The following TEX52 variants were observed in gnomAD, a reference collection of about 807,000 sequenced individuals.
TEX52 encodes the protein testis expressed 52.
TEX52 carries 22 observed loss-of-function variants against 17.6 expected under a neutral mutation model. That is an observed-to-expected ratio of 1.25 (90% CI 0.89 to 1.78). TEX52 has a LOEUF of 1.78. Ranked by LOEUF, TEX52 falls within the 40% of genes most tolerant of loss-of-function variation. The pLI, the probability that TEX52 is intolerant of heterozygous loss-of-function variation, is 0.00. For missense variants in TEX52, 396 were observed against 372.3 expected, an observed-to-expected ratio of 1.06 and a Z score of -0.52; for synonymous variants, 168 against 147.4, an observed-to-expected ratio of 1.14 and a Z score of -1.01.
In TEX52 at chr12:2,849,127, C is replaced by T. The variant is rs1299122446; in HGVS notation, c.*104G>A. On this transcript the variant is annotated 3_prime_UTR_variant, in exon 3 of 3. Coordinates refer to ENST00000637658, the MANE Select transcript of TEX52 (RefSeq NM_001365174.2). Reference sequence around the variant, plus strand: ...GGTGGAGAGGCTGTTCTGCAGAAGCCAGAGTCCTTTTGCTACCCCAGGGCC... The same window carrying T: ...GGTGGAGAGGCTGTTCTGCAGAAGCTAGAGTCCTTTTGCTACCCCAGGGCC... The T allele has an allele frequency of 8.1e-7, 1 of 1,234,406 alleles. No individual in the cohort carries two copies. Among genetic ancestry groups the T allele is most frequent in the Admixed American group, 2.8e-5 (1 of 36,182 alleles). The allele number at this position is 1,234,406 out of a possible 1,614,324, so 76.5% of individuals were successfully genotyped here.
Position 2,855,262 on chromosome 12 carries a change from T to C in TEX52, c.257A>G (p.Lys86Arg). Residue 86 changes from lysine to arginine, a missense_variant, in exon 2 of 3, where the codon AAG becomes AGG. Coordinates refer to ENST00000637658, the MANE Select transcript of TEX52 (RefSeq NM_001365174.2). ...GCCCCAGGTGTGCTGGGCGCCACCC[T>C]TCCAAGGGTGGATGAGCCGCTGACG... ...KVRQRLIHPWKGGAQHTWGFH... is the reference protein window; with the variant it reads ...KVRQRLIHPWRGGAQHTWGFH... 3.3e-6 allele frequency: 5 copies of C among 1,513,402 alleles called. No individual in the cohort carries two copies. The highest frequency in any genetic ancestry group is 4.4e-6 in the Non-Finnish European group (5 of 1,130,876). The allele number at this position is 1,513,402 out of a possible 1,614,324, so 93.7% of individuals were successfully genotyped here. A position where few individuals can be genotyped will look rare whatever the true frequency, so the allele number is the denominator to read the frequency against.
At chr12:2,855,556 T>G in intron 1 of TEX52, 110 bp from the exon 2 acceptor site, 2 of 843,968 alleles carry the variant, frequency 2.4e-6, no homozygotes, top group Non-Finnish European at 3.3e-6. Context: ...CAGCCCAGGA[T>G]TCTCATGAGG....
downstream of TEX52, chr12:2,848,989 C>G: frequency 2.0e-6 from 1 of 511,544 alleles, no homozygotes; most frequent in Non-Finnish European, 3.5e-6. Flanking sequence ...GCCTCCTGGC[C>G]GCAGTCCTCC....
chr12:2,856,436 G>A (rs759907045), intron 1 of TEX52, among the ~76,000 whole-genome samples: 26 of 152,108 alleles, frequency 1.7e-4, no homozygotes, highest in Admixed American at 5.9e-4. Context: ...TGCAATCTCG[G>A]CTCACTGCAA....
At chr12:2,849,621 A>G in intron 2 of TEX52, 96 bp from the exon 3 acceptor site, 1 of 1,378,588 alleles carries the variant, frequency 7.3e-7, no homozygotes. Context: ...GCCGCTGTCC[A>G]CAAGCTAGTT....
chr12:2,853,057 C>T (rs888350065), intron 2 of TEX52, among the ~76,000 whole-genome samples: 59 of 152,006 alleles, frequency 3.9e-4, no homozygotes, highest in African/African-American at 1.3e-3. Context: ...CTCAGAAGGT[C>T]CTGGGGGATT....
intron 2 of TEX52, among the ~76,000 whole-genome samples, chr12:2,852,034 A>G (rs544891982): frequency 6.6e-6 from 1 of 152,326 alleles, no homozygotes; most frequent in South Asian, 2.1e-4. Context: ...GACAACTTCA[A>G]CATCATCAGG....
chr12:2,848,875 A>G (rs1326306463), downstream of TEX52, among the ~76,000 whole-genome samples: 6 of 116,734 alleles, frequency 5.1e-5, no homozygotes, highest in African/African-American at 1.0e-4. Flanking sequence ...AGACACACAC[A>G]CGCACACACA....
Position 2,849,463 on chromosome 12 carries a change from G to C in TEX52, c.686C>G (p.Pro229Arg). Residue 229 changes from proline to arginine, a missense_variant, in exon 3 of 3, where the codon CCG becomes CGG. Physicochemically the swap from Pro to Arg is moderately radical, Grantham distance 103 (BLOSUM62 -2). Transcript: ENST00000637658. ...EPQGLQLMPN[P>R]FPNNFARSWP... ...GCTCCTGGCGAAATTATTGGGAAAC[G>C]GGTTGGGCATGAGCTGGAGGCCCTG... The C allele has an allele frequency of 6.5e-7, 1 of 1,536,174 alleles. No individual in the cohort carries two copies. The highest frequency in any genetic ancestry group is 8.7e-7 in the Non-Finnish European group (1 of 1,146,922).
rs1168928062 is a variant in TEX52, at chr12:2,855,052, C to T, written c.467G>A (p.Cys156Tyr). 15 of 1,535,864 alleles carry T rather than the reference C, an allele frequency of 9.8e-6. No homozygotes were observed. In the East Asian group the frequency reaches 3.2e-4, roughly 33 times the overall value. The change falls in exon 2 of 3, where the codon TGT (cysteine) becomes TAT (tyrosine). Residue 156 changes from cysteine to tyrosine, a missense_variant. Physicochemically the swap from Cys to Tyr is radical, Grantham distance 194. Coordinates refer to ENST00000637658, the MANE Select transcript of TEX52 (RefSeq NM_001365174.2). ...GQNSFLTFIH[C>Y]YPTFVDMKRK... ...TTTCATGTCCACAAACGTGGGATAA[C>T]AGTGGATGAAGGTCAGGAAGCTGTT...
rs142011066 is a variant in TEX52, at chr12:2,855,895, A to G, written c.73-449T>C. On this transcript the variant is annotated intron_variant, in intron 1 of 2. Coordinates refer to ENST00000637658, the MANE Select transcript of TEX52 (RefSeq NM_001365174.2). ...CCTGGTCTTGGCGGTATACCAGGAA[A>G]GTCCTCCAGAAAATAGGGCCAGGGG... is the stretch of plus-strand genomic sequence containing the variant. Among the ~76,000 whole-genome samples the G allele has an allele frequency of 3.9e-5, 6 of 152,152 alleles. No homozygotes were observed. The East Asian group carries it at 1.2e-3, about 30-fold the overall frequency.
At position 2,849,274 on chromosome 12, in the gene TEX52, T is replaced by A. The variant is rs1310757310; in HGVS notation, c.875A>T (p.Lys292Ile). The A allele has an allele frequency of 6.5e-7, 1 of 1,536,116 alleles. No individual in the cohort carries two copies. Among genetic ancestry groups the A allele is most frequent in the South Asian group, 1.2e-5 (1 of 84,040 alleles). ...TCTCTTCCTCTTCCTTGCTGGGGATTTGCTTGCTTGTGCCTTGGAGAGATG... is the reference window on the plus strand; with the variant it reads ...TCTCTTCCTCTTCCTTGCTGGGGATATGCTTGCTTGTGCCTTGGAGAGATG... ...LHHLSKAQAS[K>I]SPARKRKRRP... The change falls in exon 3 of 3, where the codon AAA becomes ATA. Residue 292 changes from lysine to isoleucine, a missense_variant. Coordinates refer to ENST00000637658, the MANE Select transcript of TEX52 (RefSeq NM_001365174.2).
At chr12:2,851,339 C>G (rs2153928707) in intron 2 of TEX52, among the ~76,000 whole-genome samples, 1 of 152,144 alleles carries the variant, frequency 6.6e-6, no homozygotes, top group African/African-American at 2.4e-5. Flanking sequence ...TTTGGTGACA[C>G]TAAATTTATT....
intron 1 of TEX52, among the ~76,000 whole-genome samples, chr12:2,856,605 C>T (rs948864799): frequency 5.9e-5 from 9 of 152,316 alleles, no homozygotes; most frequent in South Asian, 2.1e-4. Flanking sequence ...TCAGGTGAAC[C>T]GTTCCCCTCG....
intron 2 of TEX52, among the ~76,000 whole-genome samples, chr12:2,851,432 T>G (rs1031525562): frequency 6.6e-6 from 1 of 152,092 alleles, no homozygotes; most frequent in African/African-American, 2.4e-5. Flanking sequence ...AACCTCCACC[T>G]CCTGCATTCA....
Position 2,849,232 on chromosome 12 carries a change from T to C in TEX52, c.917A>G (p.Ter306TrpextTer9), listed in dbSNP as rs1339323685. ...CGATCGTCCCCTCTGGAAGCCCTTC[T>C]AGAAGTGTCCAGGTCTTCTCTTCCT... is the stretch of plus-strand genomic sequence containing the variant. Reference protein sequence around the residue: ...RKRKRRPGHF* With the variant: ...RKRKRRPGHFW Residue 306 changes from the stop codon to tryptophan (W), a stop_lost, in exon 3 of 3, where the codon TAG becomes TGG. Coordinates refer to ENST00000637658, the MANE Select transcript of TEX52 (RefSeq NM_001365174.2). The C allele has an allele frequency of 1.4e-5, 21 of 1,535,148 alleles. No homozygotes were observed. The highest frequency in any genetic ancestry group is 1.7e-5 in the Non-Finnish European group (20 of 1,146,604).
chr12:2,856,050 C>T (rs768339647), intron 1 of TEX52, among the ~76,000 whole-genome samples: 79 of 152,102 alleles, frequency 5.2e-4, no homozygotes, highest in Non-Finnish European at 8.2e-4. Flanking sequence ...ACCCTGCCCC[C>T]CATTAAATAA....
Position 2,849,483 on chromosome 12 carries a change from G to C in TEX52, c.666C>G (p.Gly222=). ...GAAACGGGTTGGGCATGAGCTGGAGGCCCTGGGGTTCAAACCTCCCACCAG... is the reference window on the plus strand; with the variant it reads ...GAAACGGGTTGGGCATGAGCTGGAGCCCCTGGGGTTCAAACCTCCCACCAG... ...ISAGGRFEPQ[G]LQLMPNPFPN... is the part of the protein sequence containing the mutation. The change falls in exon 3 of 3, where the codon GGC becomes GGG. Residue 222 remains glycine, a synonymous_variant. Coordinates refer to ENST00000637658, the MANE Select transcript of TEX52 (RefSeq NM_001365174.2). 5 of 1,536,170 alleles carry C rather than the reference G, an allele frequency of 3.3e-6. No individual in the cohort carries two copies. Among genetic ancestry groups the C allele is most frequent in the Non-Finnish European group, 4.4e-6 (5 of 1,146,924 alleles).
chr12:2,848,641 T>A (rs564404669), downstream of TEX52, among the ~76,000 whole-genome samples: 2 of 152,116 alleles, frequency 1.3e-5, no homozygotes, highest in South Asian at 4.2e-4. Context: ...TGACCTGACC[T>A]CTCCTCCTCC....
Sources: allele counts gnomAD v4.1 joint callset (sites outside exome capture counted in the v4.1 genomes callset), GRCh38; gene constraint gnomAD v4.1.1; transcripts MANE v1.5; gene names NCBI Gene and HGNC (gene_info 2026-07-23, HGNC 2026-07-21).